The following NKAIN2 variants were observed in gnomAD, a reference collection of about 807,000 sequenced individuals.
NKAIN2 encodes the protein sodium/potassium-transporting ATPase subunit beta-1-interacting protein 2.
In NKAIN2, 14 loss-of-function variants were observed where a neutral mutation model predicts 32.6. The ratio of observed to expected loss-of-function variants is 0.43; its 90% confidence interval spans 0.28 to 0.67. NKAIN2 has a LOEUF of 0.67. NKAIN2 is among the 30% of genes least tolerant of loss of function. The probability of loss-of-function intolerance (pLI) is 0.17; values close to 1 mark genes in which losing one functional copy is unlikely to be tolerated. For synonymous variants in NKAIN2, 80 were observed against 87.2 expected (o/e 0.92, Z 0.46); for missense variants, 198 against 258.3 (o/e 0.77, Z 1.60).
chr6:124,722,354 A>G (rs1253673128), intron 4 of NKAIN2, among the ~76,000 whole-genome samples: 1 of 152,222 alleles, frequency 6.6e-6, no homozygotes, highest in Non-Finnish European at 1.5e-5. Context: ...GCTAGATGAT[A>G]CAGCATTTTA....
At chr6:124,609,608 A>T (rs1026148145) in intron 3 of NKAIN2, among the ~76,000 whole-genome samples, 2 of 151,734 alleles carry the variant, frequency 1.3e-5, no homozygotes, top group African/African-American at 4.8e-5. Flanking sequence ...TCTGTCCTCC[A>T]CCTGCCTCTC....
At chr6:124,336,602 T>C (rs768451478) in intron 2 of NKAIN2, among the ~76,000 whole-genome samples, 13 of 152,108 alleles carry the variant, frequency 8.5e-5, no homozygotes, top group Non-Finnish European at 1.9e-4. Flanking sequence ...AAACATAGTA[T>C]TTAAACCACG....
intron 3 of NKAIN2, among the ~76,000 whole-genome samples, chr6:124,575,413 T>A (rs1781293867): frequency 6.6e-6 from 1 of 152,246 alleles, no homozygotes; most frequent in Admixed American, 6.5e-5. Flanking sequence ...TTGCAACATT[T>A]AGAAACCCAC....
intron 5 of NKAIN2, among the ~76,000 whole-genome samples, chr6:124,791,603 A>C (rs902128118): frequency 6.6e-6 from 1 of 152,154 alleles, no homozygotes; most frequent in African/African-American, 2.4e-5. Context: ...TTTTGAAAAC[A>C]TAACTTCTTT....
intron 1 of NKAIN2, among the ~76,000 whole-genome samples, chr6:124,079,400 T>G (rs1783846414): frequency 6.6e-6 from 1 of 152,200 alleles, no homozygotes; most frequent in African/African-American, 2.4e-5. Flanking sequence ...GAAAGATTAT[T>G]CAGTGTGGGG....
chr6:123,885,789 A>G (rs116742796), intron 1 of NKAIN2, among the ~76,000 whole-genome samples: 1,826 of 152,174 alleles, frequency 0.012, 34 homozygotes, highest in African/African-American at 0.042. Context: ...CCTCTTACTT[A>G]GTATGAATTT....
At chr6:124,318,743 AAAC>A (rs59183237) in intron 2 of NKAIN2, among the ~76,000 whole-genome samples, 4,384 of 152,086 alleles carry the variant, frequency 0.029, 189 homozygotes, top group African/African-American at 0.1. Context: ...CTAAGTACAG[AAAC>A]AAGAGTGCAG....
intron 1 of NKAIN2, among the ~76,000 whole-genome samples, chr6:124,015,484 T>A (rs907477547): frequency 1.4e-4 from 21 of 152,204 alleles, no homozygotes; most frequent in African/African-American, 4.8e-4. Flanking sequence ...TTAAATCCCA[T>A]CATCATGAAG....
intron 3 of NKAIN2, among the ~76,000 whole-genome samples, chr6:124,458,896 A>G (rs1290611909): frequency 6.6e-6 from 1 of 151,816 alleles, no homozygotes; most frequent in Non-Finnish European, 1.5e-5. Context: ...GGGAGAAAGA[A>G]TCTGCTTCCT....
At chr6:124,820,591 G>A (rs1395551324) in intron 6 of NKAIN2, among the ~76,000 whole-genome samples, 2 of 152,248 alleles carry the variant, frequency 1.3e-5, no homozygotes, top group Middle Eastern at 6.8e-3. Flanking sequence ...ATTCCTAAAA[G>A]ATCTCCTCTG....
chr6:124,161,231 C>A (rs1176073801), intron 1 of NKAIN2, among the ~76,000 whole-genome samples: 2 of 152,052 alleles, frequency 1.3e-5, no homozygotes, highest in Non-Finnish European at 2.9e-5. Context: ...GAGAAACAGG[C>A]ATGTCTTACA....
chr6:124,798,807 C>T lies in NKAIN2; in HGVS notation c.535+7408C>T, dbSNP rs559872721. Among the ~76,000 whole-genome samples, 4 of 152,160 alleles carry T rather than the reference C, an allele frequency of 2.6e-5. No individual in the cohort carries two copies. The East Asian group carries it at 7.8e-4, about 29-fold the overall frequency. ...AGCCACTAGCTCATTCATGACCTTC[C>T]GACATTCAAATACAGTACACACTGA... On this transcript the variant is annotated intron_variant, in intron 5 of 6. Coordinates refer to ENST00000368417, the MANE Select transcript of NKAIN2 (RefSeq NM_001040214.3).
chr6:123,809,398 G>C (rs954622459), intron 1 of NKAIN2, among the ~76,000 whole-genome samples: 3 of 151,966 alleles, frequency 2.0e-5, no homozygotes, highest in African/African-American at 7.2e-5. Context: ...CTATAGGATG[G>C]AAATAAAATT....
Position 124,333,389 on chromosome 6 carries a change from G to T in NKAIN2, c.193-21878G>T, listed in dbSNP as rs548966348. ...AAAAATAAATGAACTTAGGCTGGGT[G>T]CAGTGTCTCATGCCTGTAATCACAA... On this transcript the variant is annotated intron_variant, in intron 2 of 6. Coordinates refer to ENST00000368417, the MANE Select transcript of NKAIN2 (RefSeq NM_001040214.3). Among the ~76,000 whole-genome samples, 14 of 152,248 alleles carry T rather than the reference G, an allele frequency of 9.2e-5. No homozygotes were observed. The South Asian group carries it at 2.7e-3, about 29-fold the overall frequency.
chr6:124,320,676 T>G (rs905994560), intron 2 of NKAIN2, among the ~76,000 whole-genome samples: 10 of 152,334 alleles, frequency 6.6e-5, no homozygotes, highest in African/African-American at 2.4e-4. Context: ...TGAGAATAAA[T>G]ACTTAGCCAG....
At chr6:124,626,454 C>T (rs1443950490) in intron 3 of NKAIN2, among the ~76,000 whole-genome samples, 3 of 151,958 alleles carry the variant, frequency 2.0e-5, no homozygotes, top group Admixed American at 1.3e-4. Flanking sequence ...CAGCTTTATA[C>T]AATGCAGATT....
intron 1 of NKAIN2, among the ~76,000 whole-genome samples, chr6:124,034,078 G>T (rs1781511201): frequency 6.6e-6 from 1 of 151,900 alleles, no homozygotes; most frequent in Non-Finnish European, 1.5e-5. Context: ...TGTTTTGAGG[G>T]TTTGTGTTAG....
chr6:124,725,855 G>A (rs867212604), intron 4 of NKAIN2, among the ~76,000 whole-genome samples: 31 of 152,356 alleles, frequency 2.0e-4, no homozygotes, highest in Middle Eastern at 6.8e-3. Flanking sequence ...TGCATGCACC[G>A]TGTGCAAGCC....
chr6:123,808,563 C>A (rs187456718), intron 1 of NKAIN2, among the ~76,000 whole-genome samples: 10 of 152,220 alleles, frequency 6.6e-5, no homozygotes, highest in Non-Finnish European at 4.4e-5. Flanking sequence ...TTCCAGTGTC[C>A]AACTCTTCTT....
Sources: allele counts gnomAD v4.1 joint callset (sites outside exome capture counted in the v4.1 genomes callset), GRCh38; gene constraint gnomAD v4.1.1; transcripts MANE v1.5; gene names NCBI Gene and HGNC (gene_info 2026-07-23, HGNC 2026-07-21).